The following CD244 variants were observed in gnomAD, a reference collection of about 807,000 sequenced individuals.
CD244 encodes the protein CD244 molecule, also known as natural killer cell receptor 2B4.
In CD244, 20 loss-of-function variants were observed where a neutral mutation model predicts 45.5. The observed-to-expected ratio is 0.44, with a 90% CI of 0.31 to 0.64. CD244 has a LOEUF of 0.64. CD244 is among the 30% of genes least tolerant of loss of function. The pLI is 0.08. For synonymous variants in CD244, 185 were observed against 160.5 expected, an observed-to-expected ratio of 1.15 and a Z score of -1.15; for missense variants, 407 against 426.9, an observed-to-expected ratio of 0.95 and a Z score of 0.41.
chr1:160,841,345 C>A lies in CD244; in HGVS notation c.520G>T (p.Ala174Ser). 6.2e-7 allele frequency: 1 copy of A among 1,614,218 alleles called. No homozygotes were observed. Residue 174 changes from alanine (A) to serine (S), a missense_variant, in exon 3 of 9, where the codon GCA becomes TCA. Ala to Ser is a moderately conservative substitution (Grantham distance 99, BLOSUM62 1). Transcript: ENST00000368034. ...TCGTCCAGGTAGGTGAGGTTCCCTG[C>A]TGTCTGGATCAGCTTGCTCCCTCTG... ...WYRGSKLIQTAGNLTYLDEEV... is the reference protein window; with the variant it reads ...WYRGSKLIQTSGNLTYLDEEV...
rs1472945220 is a variant in CD244 at position 160,841,725 on chromosome 1, T to C, written c.238A>G (p.Asn80Asp). ...ENGSLPSNTS[N>D]DRFSFIVKNL... ...TTGACTATAAAACTGAATCTATCAT[T>C]GGAAGTATTGGAAGGCAAAGAGCCA... The change falls in exon 2 of 9, where the codon AAT becomes GAT. Residue 80 changes from asparagine (N) to aspartate (D), a missense_variant. By Grantham distance (23) the Asn-to-Asp change is conservative. Coordinates refer to ENST00000368034, the MANE Select transcript of CD244 (RefSeq NM_016382.4). The C allele has an allele frequency of 5.6e-6, 9 of 1,614,210 alleles. No individual in the cohort carries two copies. The highest frequency in any genetic ancestry group is 7.6e-6 in the Non-Finnish European group (9 of 1,180,020).
chr1:160,834,759 C>T (rs532974345), intron 6 of CD244, among the ~76,000 whole-genome samples: 1 of 152,194 alleles, frequency 6.6e-6, no homozygotes, highest in African/African-American at 2.4e-5. Context: ...GCAGTGCGTA[C>T]ACAGTAGAAG....
chr1:160,835,210 AT>A (rs1264128397), intron 6 of CD244, among the ~76,000 whole-genome samples: 1 of 152,050 alleles, frequency 6.6e-6, no homozygotes, highest in Non-Finnish European at 1.5e-5. Context: ...CATTTTAGCC[AT>A]CAGTATTAAA....
chr1:160,832,635 G>C (rs941707259), intron 7 of CD244, 60 bp from the exon 8 acceptor site: 1 of 1,605,912 alleles, frequency 6.2e-7, no homozygotes, highest in African/African-American at 1.3e-5. Flanking sequence ...CCACTCCTAA[G>C]TGATGTGAGA....
chr1:160,855,884 C>T (rs1017014384), intron 1 of CD244, among the ~76,000 whole-genome samples: 3 of 152,202 alleles, frequency 2.0e-5, no homozygotes, highest in Non-Finnish European at 4.4e-5. Context: ...ACAATCTGAT[C>T]CAGCAGTGAG....
At chr1:160,844,135 T>C (rs1292333537) in intron 1 of CD244, among the ~76,000 whole-genome samples, 1 of 152,188 alleles carries the variant, frequency 6.6e-6, no homozygotes, top group East Asian at 1.9e-4. Flanking sequence ...GAGGCAAATA[T>C]AAGTTATGAC....
intron 1 of CD244, 69 bp downstream of exon 1, chr1:160,862,548 G>T: frequency 2.1e-6 from 3 of 1,399,920 alleles, no homozygotes; most frequent in Non-Finnish European, 3.0e-6. Context: ...AGAGGCTCTG[G>T]CTCTGATCTC....
At chr1:160,842,055 G>T (rs1669565751) in intron 1 of CD244, among the ~76,000 whole-genome samples, 154 bp from the exon 2 acceptor site, 1 of 152,104 alleles carries the variant, frequency 6.6e-6, no homozygotes, top group Admixed American at 6.5e-5. Flanking sequence ...CCCTCCATCT[G>T]CCTCCCCTTG....
intron 1 of CD244, among the ~76,000 whole-genome samples, chr1:160,845,015 G>A (rs770020375): frequency 3.3e-5 from 5 of 152,066 alleles, no homozygotes; most frequent in East Asian, 1.9e-4. Context: ...TCAGCCACCC[G>A]TGGCCAGTCT....
At position 160,842,002 on chromosome 1, in the gene CD244, G is replaced by A. The variant is rs181153439; in HGVS notation, c.62-101C>T. 5.8e-6 allele frequency: 5 copies of A among 865,048 alleles called. No individual in the cohort carries two copies. The African/African-American group carries it at 6.7e-5, about 12-fold the overall frequency. 53.6% of individuals were successfully genotyped at this position (865,048 alleles called of 1,614,324 possible). On this transcript the variant is annotated intron_variant, in intron 1 of 8. Transcript: ENST00000368034. ...TCCCTTAAGCCAATTGGGTGGGGAT[G>A]AGTATGAGGAGCCCAGAACCTAGGA...
chr1:160,844,032 T>C (rs1669637716), intron 1 of CD244, among the ~76,000 whole-genome samples: 1 of 152,176 alleles, frequency 6.6e-6, no homozygotes, highest in Non-Finnish European at 1.5e-5. Flanking sequence ...TGAACAGCCC[T>C]CACAGGAACT....
At chr1:160,861,427 A>G (rs1232627241) in intron 1 of CD244, among the ~76,000 whole-genome samples, 2 of 152,188 alleles carry the variant, frequency 1.3e-5, no homozygotes, top group African/African-American at 4.8e-5. Flanking sequence ...CCTGGCCCTG[A>G]ACCCACACAA....
intron 8 of CD244, among the ~76,000 whole-genome samples, chr1:160,832,051 A>G (rs552293987): frequency 2.6e-5 from 4 of 152,306 alleles, no homozygotes; most frequent in Admixed American, 2.0e-4. Context: ...ATGGGAATCA[A>G]TTCAACCACC....
At chr1:160,848,539 G>T (rs565168480) in intron 1 of CD244, 56 of 414,038 alleles carry the variant, frequency 1.4e-4, no homozygotes, top group Non-Finnish European at 2.4e-4. Flanking sequence ...TTTCAGAGAA[G>T]TTCCTGCCTC....
intron 7 of CD244, chr1:160,832,869 TG>T: frequency 3.2e-6 from 1 of 311,922 alleles, no homozygotes; most frequent in Admixed American, 4.2e-5. Context: ...TGTGTGTGTG[TG>T]TATATATATA....
rs1233157875 is a variant in CD244 at position 160,838,534 on chromosome 1, A to G, written c.767-16T>C. 6.3e-7 allele frequency: 1 copy of G among 1,593,030 alleles called. No individual in the cohort carries two copies. Among genetic ancestry groups the G allele is most frequent in the East Asian group, 2.2e-5 (1 of 44,774 alleles). On this transcript the variant is annotated splice_polypyrimidine_tract_variant and intron_variant, in intron 4 of 8. Coordinates refer to ENST00000368034, the MANE Select transcript of CD244 (RefSeq NM_016382.4). Reference sequence around the variant, plus strand: ...GGACTGGTCTCTGAGGGAGGAAGAAAACAAAGAGCAGAGCTGCAGAAACCT... The same window carrying G: ...GGACTGGTCTCTGAGGGAGGAAGAAGACAAAGAGCAGAGCTGCAGAAACCT...
intron 1 of CD244, among the ~76,000 whole-genome samples, chr1:160,846,955 T>G (rs1669760334): frequency 6.6e-6 from 1 of 152,074 alleles, no homozygotes; most frequent in South Asian, 2.1e-4. Context: ...TTGTAATACC[T>G]GTGGTAACCA....
intron 1 of CD244, among the ~76,000 whole-genome samples, chr1:160,850,228 G>T (rs1341346276): frequency 6.6e-6 from 1 of 151,824 alleles, no homozygotes; most frequent in African/African-American, 2.4e-5. Flanking sequence ...ATTTACAGCA[G>T]CACAAAAAAG....
At position 160,841,347 on chromosome 1, in the gene CD244, G is replaced by A. The variant is rs1352455660; in HGVS notation, c.518C>T (p.Thr173Ile). 2 of 1,614,180 alleles carry A rather than the reference G, an allele frequency of 1.2e-6. No individual in the cohort carries two copies. Among genetic ancestry groups the A allele is most frequent in the Admixed American group, 3.3e-5 (2 of 60,022 alleles). The change falls in exon 3 of 9, where the codon ACA becomes ATA. Residue 173 changes from threonine to isoleucine, a missense_variant. Thr to Ile is a moderately conservative substitution (Grantham distance 89, BLOSUM62 -1). Transcript: ENST00000368034. ...GTCCAGGTAGGTGAGGTTCCCTGCTGTCTGGATCAGCTTGCTCCCTCTGTA... is the reference window on the plus strand; with the variant it reads ...GTCCAGGTAGGTGAGGTTCCCTGCTATCTGGATCAGCTTGCTCCCTCTGTA... ...AWYRGSKLIQ[T>I]AGNLTYLDEE...
Sources: gnomAD v4.1 joint callset for allele counts (sites outside exome capture counted in the v4.1 genomes callset) on GRCh38, gnomAD v4.1.1 for gene constraint, MANE v1.5 for transcripts, NCBI Gene and HGNC (gene_info 2026-07-23, HGNC 2026-07-21) for gene names.